FUS: variants seen among roughly 807,000 people sequenced by gnomAD.
FUS encodes the protein RNA-binding protein FUS.
FUS carries 5 observed loss-of-function variants against 82.7 expected under a neutral mutation model. The ratio of observed to expected loss-of-function variants is 0.06; its 90% confidence interval spans 0.03 to 0.13. The LOEUF (loss-of-function observed/expected upper bound fraction) is 0.13, where lower values mean the gene tolerates loss of function less well. FUS is among the 10% of genes least tolerant of loss of function. The pLI, the probability that FUS is intolerant of heterozygous loss-of-function variation, is 1.00. For missense variants in FUS, 512 were observed against 707.8 expected (o/e 0.72, Z 3.14); for synonymous variants, 281 against 247.4 (o/e 1.14, Z -1.27).
At chr16:31,192,900 A>G (rs1213729241), downstream of FUS, 2 of 486,282 alleles carry the variant, frequency 4.1e-6, no homozygotes, top group Non-Finnish European at 8.1e-6. Flanking sequence ...GTGTTCCACA[A>G]GTATGTTCTC....
downstream of FUS, chr16:31,193,321 T>C (rs549012470): frequency 4.4e-5 from 23 of 522,014 alleles, no homozygotes; most frequent in East Asian, 8.7e-4. Context: ...GATCGTCAAG[T>C]GGGCCTTCCC....
chr16:31,191,294 A>G (rs1464922003), intron 14 of FUS, 105 bp from the exon 15 acceptor site: 29 of 1,514,438 alleles, frequency 1.9e-5, no homozygotes, highest in Non-Finnish European at 2.4e-5. Context: ...ACTTGAGATA[A>G]GATACTCGCT....
chr16:31,186,245 G>T, intron 6 of FUS: 1 of 256,616 alleles, frequency 3.9e-6, no homozygotes, highest in Non-Finnish European at 7.6e-6. Flanking sequence ...GTGACCCCGG[G>T]GGTTGGGGGA....
chr16:31,194,549 T>C, downstream of FUS: 1 of 499,382 alleles, frequency 2.0e-6, no homozygotes, highest in Non-Finnish European at 3.9e-6. Context: ...CAAGTGATTG[T>C]CCCACTTTGG....
At chr16:31,192,532 C>G (rs1366926856), downstream of FUS, 2 of 511,484 alleles carry the variant, frequency 3.9e-6, no homozygotes, top group South Asian at 3.1e-5. Context: ...GCTGGGGACC[C>G]CTAATTGGGA....
intron 3 of FUS, 65 bp downstream of exon 3, chr16:31,182,729 T>G (rs983787849): frequency 1.2e-6 from 2 of 1,605,570 alleles, no homozygotes; most frequent in African/African-American, 2.7e-5. Flanking sequence ...TTTTTCTTGT[T>G]TTTTGGAGAC....
At chr16:31,188,747 T>C (rs1567475909) in intron 8 of FUS, 2 of 465,444 alleles carry the variant, frequency 4.3e-6, no homozygotes, top group East Asian at 7.6e-5. Context: ...AACTCCTGTT[T>C]AGGTTGTATT....
chr16:31,189,864 A>G (rs2079326170), intron 10 of FUS, 70 bp downstream of exon 10: 1 of 1,611,642 alleles, frequency 6.2e-7, no homozygotes, highest in Non-Finnish European at 8.5e-7. Context: ...AACAAGCCAT[A>G]GTTTGAGGGT....
chr16:31,184,737 C>T (rs2079237132), intron 5 of FUS, among the ~76,000 whole-genome samples: 1 of 151,708 alleles, frequency 6.6e-6, no homozygotes, highest in South Asian at 2.1e-4. Flanking sequence ...GCCACTGTGC[C>T]TGGTGTCTGC....
chr16:31,182,726 T>G, intron 3 of FUS, 62 bp downstream of exon 3: 6 of 1,607,640 alleles, frequency 3.7e-6, no homozygotes, highest in Non-Finnish European at 3.4e-6. Context: ...TTCTTTTTCT[T>G]GTTTTTTGGA....
chr16:31,180,577 T>G (rs904366394), intron 1 of FUS, among the ~76,000 whole-genome samples: 1 of 152,220 alleles, frequency 6.6e-6, no homozygotes, highest in African/African-American at 2.4e-5. Flanking sequence ...GAGCCCGCTT[T>G]GTCGCAGTGC....
At chr16:31,186,104 G>A (rs1451768990) in intron 6 of FUS, 3 of 238,034 alleles carry the variant, frequency 1.3e-5, no homozygotes, top group African/African-American at 4.4e-5. Flanking sequence ...AAATGTGTGC[G>A]TGTGTTTAAT....
rs1252084949 is a variant in FUS at position 31,190,200 on chromosome 16, A to G, written c.1168+59A>G. On this transcript the variant is annotated intron_variant, in intron 11 of 14. Coordinates refer to ENST00000254108, the MANE Select transcript of FUS (RefSeq NM_004960.4). ...AATGGGGAGAGTGCAGAAGATGGTAAAGGCTTGCATGGAATGGGTTAGATT... is the reference window on the plus strand; with the variant it reads ...AATGGGGAGAGTGCAGAAGATGGTAGAGGCTTGCATGGAATGGGTTAGATT... 1.9e-6 allele frequency: 3 copies of G among 1,613,658 alleles called. No individual in the cohort carries two copies. The African/African-American group carries it at 4.0e-5, about 22-fold the overall frequency.
chr16:31,184,646 TGTTAGCCA>T (rs1216683744), intron 5 of FUS, among the ~76,000 whole-genome samples: 4 of 152,080 alleles, frequency 2.6e-5, no homozygotes, highest in Admixed American at 6.5e-5. Context: ...GGTTTCACCA[TGTTAGCCA>T]GGATGGTTTC....
intron 6 of FUS, chr16:31,185,477 CAAGAAACATGG>C (rs1567472973): frequency 6.3e-6 from 4 of 630,330 alleles, no homozygotes; most frequent in South Asian, 6.0e-5. Context: ...ATATCCTAGG[CAAGAAACATGG>C]AAGTGAAGAC....
intron 1 of FUS, among the ~76,000 whole-genome samples, chr16:31,180,556 G>A (rs1331425063): frequency 6.6e-6 from 1 of 152,180 alleles, no homozygotes; most frequent in African/African-American, 2.4e-5. Flanking sequence ...CCAACTCCCG[G>A]CCCCGCGCTC....
Position 31,184,332 on chromosome 16 carries a change from G to A in FUS, c.459G>A (p.Gln153=). 2.5e-6 allele frequency: 4 copies of A among 1,614,188 alleles called. No individual in the cohort carries two copies. Among genetic ancestry groups the A allele is most frequent in the Non-Finnish European group, 3.4e-6 (4 of 1,180,026 alleles). ...AGCAGCAAAGCTATAATCCCCCTCA[G>A]GGCTATGGACAGCAGAACCAGTACA... ...YGQQQSYNPP[Q]GYGQQNQYNS... The change falls in exon 5 of 15, where the codon CAG becomes CAA. Residue 153 remains glutamine, a synonymous_variant. Transcript: ENST00000254108.
downstream of FUS, chr16:31,194,143 TTCC>T (rs2079394571): frequency 3.8e-6 from 2 of 532,142 alleles, no homozygotes. Context: ...GTGCCGGGCC[TTCC>T]TGGGTTTCAG....
At chr16:31,190,189 A>G (rs2079332350) in intron 11 of FUS, 48 bp downstream of exon 11, 1 of 1,613,818 alleles carries the variant, frequency 6.2e-7, no homozygotes, top group Non-Finnish European at 8.5e-7. Context: ...GGGAGAGTGC[A>G]GAAGATGGTA....
Sources: allele counts gnomAD v4.1 joint callset (sites outside exome capture counted in the v4.1 genomes callset), GRCh38; gene constraint gnomAD v4.1.1; transcripts MANE v1.5; gene names NCBI Gene and HGNC (gene_info 2026-07-23, HGNC 2026-07-21).